Variants in ROBO1 observed in about 807,000 individuals in gnomAD.
ROBO1 encodes roundabout homolog 1.
A neutral mutation model predicts 195.9 loss-of-function variants in ROBO1; 149 were observed. That is an observed-to-expected ratio of 0.76 (90% CI 0.67 to 0.87). The LOEUF (loss-of-function observed/expected upper bound fraction) is 0.87, where lower values mean the gene tolerates loss of function less well. ROBO1 is among the 40% of genes least tolerant of loss of function. ROBO1 has a pLI of 0.00. For synonymous variants in ROBO1, 816 were observed against 733.2 expected (o/e 1.11, Z -1.82); for missense variants, 1,933 against 2,068.3 (o/e 0.93, Z 1.27).
In ROBO1 at chr3:79,453,298, G is replaced by C. The variant is rs143141847; in HGVS notation, c.88+136526C>G. ...TAGCATTGCCAAGTAGGACATTATT[G>C]GTCACCATGATTAACTGAAAAACCA... On this transcript the variant is annotated intron_variant, in intron 2 of 30. Coordinates refer to ENST00000464233, the MANE Select transcript of ROBO1 (RefSeq NM_002941.4). Among the ~76,000 whole-genome samples, 341 of 152,076 alleles carry C rather than the reference G, an allele frequency of 2.2e-3. 2 individuals are homozygous for C. The highest frequency in any genetic ancestry group is 7.7e-3 in the African/African-American group (319 of 41,478).
chr3:78,939,372 T>TG (rs999816797), intron 3 of ROBO1, among the ~76,000 whole-genome samples: 39 of 151,608 alleles, frequency 2.6e-4, no homozygotes, highest in Middle Eastern at 3.4e-3. Context: ...CCCAGCACTT[T>TG]GGGGGGCCGA....
chr3:79,113,191 C>T (rs1006689789), intron 3 of ROBO1, among the ~76,000 whole-genome samples: 3 of 152,124 alleles, frequency 2.0e-5, no homozygotes, highest in Non-Finnish European at 4.4e-5. Flanking sequence ...AAGAGAAACA[C>T]AGGCTAGTTG....
chr3:78,765,486 A>G (rs1172527808), intron 4 of ROBO1, among the ~76,000 whole-genome samples: 1 of 152,138 alleles, frequency 6.6e-6, no homozygotes, highest in Non-Finnish European at 1.5e-5. Context: ...AAGTAAAACA[A>G]TATTATCTTT....
At chr3:79,745,197 C>G (rs938438842) in intron 1 of ROBO1, among the ~76,000 whole-genome samples, 2 of 152,138 alleles carry the variant, frequency 1.3e-5, no homozygotes, top group Non-Finnish European at 2.9e-5. Flanking sequence ...GTTGTCCCTG[C>G]TCTGCCCTGA....
intron 2 of ROBO1, among the ~76,000 whole-genome samples, chr3:79,278,019 A>C (rs2031191854): frequency 6.6e-6 from 1 of 152,124 alleles, no homozygotes; most frequent in South Asian, 2.1e-4. Context: ...GTTTCTATAA[A>C]CACAAACTAG....
At chr3:79,147,808 T>G (rs1200465763) in intron 2 of ROBO1, among the ~76,000 whole-genome samples, 1 of 151,982 alleles carries the variant, frequency 6.6e-6, no homozygotes, top group East Asian at 1.9e-4. Context: ...GCACTTAAAT[T>G]TTTTTATTTA....
intron 1 of ROBO1, among the ~76,000 whole-genome samples, chr3:79,752,617 T>C (rs988795515): frequency 5.3e-5 from 8 of 152,160 alleles, no homozygotes; most frequent in Admixed American, 5.2e-4. Context: ...CTGCAGGCAG[T>C]AAAGCAAAAA....
intron 2 of ROBO1, among the ~76,000 whole-genome samples, chr3:79,478,143 T>G (rs1466950170): frequency 6.6e-6 from 1 of 152,114 alleles, no homozygotes; most frequent in Non-Finnish European, 1.5e-5. Flanking sequence ...AAGCACCAAA[T>G]ATGGCTGCAA....
chr3:79,612,792 A>G (rs1944701542), intron 1 of ROBO1, among the ~76,000 whole-genome samples: 1 of 2,964 alleles, frequency 3.4e-4, no homozygotes, highest in Non-Finnish European at 6.1e-4. Flanking sequence ...GATGATGAGC[A>G]TTTTTTCATG....
chr3:79,403,728 A>G (rs570436530), intron 2 of ROBO1, among the ~76,000 whole-genome samples: 1 of 152,174 alleles, frequency 6.6e-6, no homozygotes, highest in South Asian at 2.1e-4. Context: ...GTTGGATTAC[A>G]TGAGTATCGT....
chr3:78,624,479 T>C (rs1704638579), intron 26 of ROBO1, among the ~76,000 whole-genome samples: 1 of 152,056 alleles, frequency 6.6e-6, no homozygotes. Context: ...AGGCTGAAAA[T>C]AGTCAAATTG....
At chr3:79,412,874 ATTTTTTTT>A (rs1167482550) in intron 2 of ROBO1, among the ~76,000 whole-genome samples, 1,389 of 38,378 alleles carry the variant, frequency 0.036, 45 homozygotes, top group Middle Eastern at 0.12. Context: ...TCATGAGCTG[ATTTTTTTT>A]TTTTTTTTTT....
At chr3:79,328,059 A>T (rs1258856200) in intron 2 of ROBO1, among the ~76,000 whole-genome samples, 2 of 152,230 alleles carry the variant, frequency 1.3e-5, no homozygotes, top group African/African-American at 4.8e-5. Flanking sequence ...TTTGCAAAAC[A>T]TGTAAAATAT....
intron 5 of ROBO1, among the ~76,000 whole-genome samples, chr3:78,734,896 G>A (rs534964808): frequency 2.0e-5 from 3 of 152,018 alleles, no homozygotes; most frequent in Non-Finnish European, 2.9e-5. Context: ...ACTGCACCCC[G>A]ACTATGGTCC....
At chr3:79,052,522 C>T (rs898214748) in intron 3 of ROBO1, among the ~76,000 whole-genome samples, 5 of 152,026 alleles carry the variant, frequency 3.3e-5, no homozygotes, top group African/African-American at 1.2e-4. Context: ...TGACCCACTC[C>T]CTATTTGTAC....
intron 10 of ROBO1, among the ~76,000 whole-genome samples, chr3:78,673,515 T>A (rs1225778209): frequency 7.3e-6 from 1 of 137,380 alleles, no homozygotes; most frequent in Non-Finnish European, 1.6e-5. Flanking sequence ...TAAAATAATA[T>A]ATAATATATA....
chr3:79,073,795 G>A (rs969890734), intron 3 of ROBO1, among the ~76,000 whole-genome samples: 9 of 151,364 alleles, frequency 5.9e-5, no homozygotes, highest in African/African-American at 2.2e-4. Flanking sequence ...ATCGGAAAAT[G>A]GCAGAGATAC....
intron 4 of ROBO1, among the ~76,000 whole-genome samples, chr3:78,799,477 G>T (rs1332440471): frequency 6.6e-6 from 1 of 152,034 alleles, no homozygotes; most frequent in Admixed American, 6.6e-5. Context: ...GAGTAGCTGG[G>T]ACTACAGGCG....
At chr3:78,993,197 CAT>C (rs930280608) in intron 3 of ROBO1, among the ~76,000 whole-genome samples, 3 of 152,130 alleles carry the variant, frequency 2.0e-5, no homozygotes, top group African/African-American at 2.4e-5. Context: ...TGGAATCAGA[CAT>C]GTGTGGGTGG....
Sources: gnomAD v4.1 joint callset for allele counts (sites outside exome capture counted in the v4.1 genomes callset) on GRCh38, gnomAD v4.1.1 for gene constraint, MANE v1.5 for transcripts, NCBI Gene and HGNC (gene_info 2026-07-23, HGNC 2026-07-21) for gene names.